Variants in STUM observed in about 807,000 individuals in gnomAD.
The protein encoded by STUM is stum, mechanosensory transduction mediator homolog.
STUM carries 8 observed loss-of-function variants against 15.3 expected under a neutral mutation model. That is an observed-to-expected ratio of 0.52 (90% CI 0.31 to 0.94). The LOEUF (loss-of-function observed/expected upper bound fraction) is 0.94. STUM is among the 40% of genes least tolerant of loss of function. The pLI, the probability that STUM is intolerant of heterozygous loss-of-function variation, is 0.05. For synonymous variants in STUM, 78 were observed against 88.7 expected (o/e 0.88, Z 0.68); for missense variants, 142 against 204.9 (o/e 0.69, Z 1.87).
Position 226,548,902 on chromosome 1 carries a change from G to T in STUM, c.-3G>T. The T allele has an allele frequency of 2.1e-6, 3 of 1,399,656 alleles. No homozygotes were observed. The South Asian group carries it at 4.8e-5, about 23-fold the overall frequency. The allele number at this position is 1,399,656 out of a possible 1,614,324, so 86.7% of individuals were successfully genotyped here. A position where few individuals can be genotyped will look rare whatever the true frequency, so the allele number is the denominator to read the frequency against. On this transcript the variant is annotated 5_prime_UTR_variant, in exon 1 of 4. Coordinates refer to ENST00000366788, the MANE Select transcript of STUM (RefSeq NM_001003665.4). ...GCCCGGCTGCCTGAGAGCGCGCCCG[G>T]CCATGGAGCCCTCGCACAAAGACGC...
intron 1 of STUM, among the ~76,000 whole-genome samples, chr1:226,589,513 T>C (rs1378982457): frequency 6.6e-6 from 1 of 152,142 alleles, no homozygotes; most frequent in East Asian, 1.9e-4. Flanking sequence ...AGGGCTCAGC[T>C]CTGCTTGTGT....
intron 1 of STUM, among the ~76,000 whole-genome samples, chr1:226,576,339 C>A (rs1272180506): frequency 6.6e-6 from 1 of 152,234 alleles, no homozygotes; most frequent in African/African-American, 2.4e-5. Context: ...CAAAAGTCTC[C>A]TGCAAGGCCA....
chr1:226,557,980 C>A (rs1450159848), intron 1 of STUM, among the ~76,000 whole-genome samples: 1 of 152,148 alleles, frequency 6.6e-6, no homozygotes, highest in East Asian at 1.9e-4. Flanking sequence ...GTAGAAAGGT[C>A]GTACCTTAAC....
chr1:226,580,441 G>A (rs1667901107), intron 1 of STUM, among the ~76,000 whole-genome samples: 1 of 152,124 alleles, frequency 6.6e-6, no homozygotes, highest in African/African-American at 2.4e-5. Context: ...GAGGCTGTGT[G>A]CTGGGGAGAG....
intron 1 of STUM, among the ~76,000 whole-genome samples, chr1:226,573,786 G>T (rs1667759639): frequency 6.6e-6 from 1 of 151,734 alleles, no homozygotes; most frequent in East Asian, 1.9e-4. Context: ...GTATGTATGT[G>T]GTAAGAGCAC....
chr1:226,592,931 A>T (rs1668112570), intron 1 of STUM, among the ~76,000 whole-genome samples: 1 of 152,032 alleles, frequency 6.6e-6, no homozygotes, highest in Non-Finnish European at 1.5e-5. Flanking sequence ...CGCGCCTGTA[A>T]TCCCAGCACT....
In STUM at chr1:226,606,374, T is replaced by C. The variant is rs1463913349; in HGVS notation, c.*4334T>C. 1 of 152,248 alleles carries C rather than the reference T, an allele frequency of 6.6e-6. No homozygotes were observed. Among genetic ancestry groups the C allele is most frequent in the Non-Finnish European group, 1.5e-5 (1 of 68,058 alleles). The allele number at this position is 152,248 out of a possible 1,614,324, so 9.4% of individuals were successfully genotyped here. ...TTTTGCCAGATCCAACCCCTAGGCT[T>C]GAGGGTGGAGAGCCAGGCCTCCTCA... is the stretch of plus-strand genomic sequence containing the variant. On this transcript the variant is annotated 3_prime_UTR_variant, in exon 4 of 4. Transcript: ENST00000366788.
intron 1 of STUM, among the ~76,000 whole-genome samples, chr1:226,590,296 G>T (rs535323478): frequency 6.6e-6 from 1 of 152,192 alleles, no homozygotes; most frequent in South Asian, 2.1e-4. Context: ...CTGACCTCCT[G>T]CTCTGAGCCC....
intron 1 of STUM, among the ~76,000 whole-genome samples, chr1:226,584,808 C>CAGCT (rs1667972511): frequency 6.6e-6 from 1 of 152,212 alleles, no homozygotes; most frequent in Non-Finnish European, 1.5e-5. Context: ...GCCTTCTCTG[C>CAGCT]AGCTAGTGAG....
chr1:226,571,447 T>C (rs572566356), intron 1 of STUM, among the ~76,000 whole-genome samples: 1 of 152,288 alleles, frequency 6.6e-6, no homozygotes, highest in Non-Finnish European at 1.5e-5. Context: ...ACCTATTTGG[T>C]GATGAAGACC....
rs1334816912 is a variant in STUM, at chr1:226,603,238, CT to C, written c.*1200del. 2 of 152,162 alleles carry C rather than the reference CT, an allele frequency of 1.3e-5. No homozygotes were observed. Among genetic ancestry groups the C allele is most frequent in the Non-Finnish European group, 2.9e-5 (2 of 68,020 alleles). 9.4% of individuals were successfully genotyped at this position (152,162 alleles called of 1,614,324 possible). On this transcript the variant is annotated 3_prime_UTR_variant, in exon 4 of 4. Coordinates refer to ENST00000366788, the MANE Select transcript of STUM (RefSeq NM_001003665.4). ...AATTGTCGGCATTACACAAGGACTC[CT>C]TCAGTTGCCAAAAGACCATGGGCCT...
intron 3 of STUM, among the ~76,000 whole-genome samples, chr1:226,601,559 C>T (rs565663948): frequency 1.3e-3 from 196 of 152,270 alleles, no homozygotes; most frequent in Non-Finnish European, 1.7e-3. Flanking sequence ...GCAGGTTGGA[C>T]GCACACAGGG....
chr1:226,579,667 C>T (rs1280283105), intron 1 of STUM, among the ~76,000 whole-genome samples: 1 of 135,768 alleles, frequency 7.4e-6, no homozygotes, highest in Non-Finnish European at 1.6e-5. Flanking sequence ...GGGCCTTTTT[C>T]GCCCAGGCTG....
In STUM at chr1:226,603,944, C is replaced by G. The variant is rs1421334859; in HGVS notation, c.*1904C>G. 6.6e-6 allele frequency: 1 copy of G among 152,348 alleles called. No individual in the cohort carries two copies. The highest frequency in any genetic ancestry group is 2.4e-5 in the African/African-American group (1 of 41,454). The allele number at this position is 152,348 out of a possible 1,614,324, so 9.4% of individuals were successfully genotyped here. ...AGCTAGAACCTTCTGCTGTGTGCAG[C>G]AGGCATCCTCCAGGCTGGTGCTGGC... On this transcript the variant is annotated 3_prime_UTR_variant, in exon 4 of 4. Transcript: ENST00000366788.
chr1:226,561,628 T>C (rs543557149), intron 1 of STUM, among the ~76,000 whole-genome samples: 2 of 152,166 alleles, frequency 1.3e-5, no homozygotes, highest in Non-Finnish European at 2.9e-5. Flanking sequence ...CTGTGAACTT[T>C]CCAGTTGTGT....
intron 1 of STUM, among the ~76,000 whole-genome samples, chr1:226,574,549 C>T (rs1040084680): frequency 1.3e-5 from 2 of 152,214 alleles, no homozygotes; most frequent in Admixed American, 6.5e-5. Context: ...CTTGGATCGG[C>T]CAGACCTGTA....
chr1:226,566,602 G>T (rs1331008317), intron 1 of STUM, among the ~76,000 whole-genome samples: 2 of 152,066 alleles, frequency 1.3e-5, no homozygotes, highest in Non-Finnish European at 2.9e-5. Context: ...GAAGGTCTTG[G>T]TGCCATTTTT....
At position 226,607,070 on chromosome 1, in the gene STUM, G is replaced by C. The variant is rs1293159158; in HGVS notation, c.*5030G>C. The C allele has an allele frequency of 6.6e-6, 1 of 152,444 alleles. No homozygotes were observed. The highest frequency in any genetic ancestry group is 2.4e-5 in the African/African-American group (1 of 41,462). 9.4% of individuals were successfully genotyped at this position (152,444 alleles called of 1,614,324 possible). A position where few individuals can be genotyped will look rare whatever the true frequency, so the allele number is the denominator to read the frequency against. ...CCCTCCTGAGAGCTCTGTGCACTGG[G>C]TTTGGGGATGAGGCGCCAGCCTGGT... On this transcript the variant is annotated 3_prime_UTR_variant, in exon 4 of 4. Transcript: ENST00000366788.
At chr1:226,598,441 G>A (rs900284721) in intron 2 of STUM, among the ~76,000 whole-genome samples, 2 of 152,326 alleles carry the variant, frequency 1.3e-5, no homozygotes, top group East Asian at 1.9e-4. Context: ...GAACATGACT[G>A]TGTCACAGGG....
Sources: gnomAD v4.1 joint callset for allele counts (sites outside exome capture counted in the v4.1 genomes callset) on GRCh38, gnomAD v4.1.1 for gene constraint, MANE v1.5 for transcripts, NCBI Gene and HGNC (gene_info 2026-07-23, HGNC 2026-07-21) for gene names.